EPAS1: variants seen among roughly 807,000 people sequenced by gnomAD.
EPAS1 encodes endothelial PAS domain protein 1.
A neutral mutation model predicts 87.9 loss-of-function variants in EPAS1; 23 were observed. That is an observed-to-expected ratio of 0.26 (90% CI 0.19 to 0.37). The LOEUF (loss-of-function observed/expected upper bound fraction) is 0.37. EPAS1 is among the 10% of genes least tolerant of loss of function. The probability of loss-of-function intolerance (pLI) is 1.00; values close to 1 mark genes in which losing one functional copy is unlikely to be tolerated. For synonymous variants in EPAS1, 508 were observed against 444.3 expected, an observed-to-expected ratio of 1.14 and a Z score of -1.80; for missense variants, 1,138 against 1,120.7, an observed-to-expected ratio of 1.02 and a Z score of -0.22.
rs1553397303 is a variant in EPAS1 at position 46,375,194 on chromosome 2, A to AAC, written c.887-495_887-494insCA. Among the ~76,000 whole-genome samples the AAC allele has an allele frequency of 1.3e-5, 2 of 151,584 alleles. No homozygotes were observed. Among genetic ancestry groups the AAC allele is most frequent in the East Asian group, 1.9e-4 (1 of 5,172 alleles). On this transcript the variant is annotated intron_variant, in intron 7 of 15. Coordinates refer to ENST00000263734, the MANE Select transcript of EPAS1 (RefSeq NM_001430.5). This position sits in a 1 kb window ranked among gnomAD's most constrained non-coding sequence, Gnocchi z 4.1. ...GGGTCTGCTGAAAAAAAAAAACAAA[A>AAC]AAAAACAAAAAAAACTGCCCTGAGG...
At chr2:46,370,916 G>T (rs767525162) in intron 7 of EPAS1, among the ~76,000 whole-genome samples, 15 of 152,110 alleles carry the variant, frequency 9.9e-5, no homozygotes, top group Non-Finnish European at 2.9e-5. Flanking sequence ...TGGTAGAATT[G>T]ATTCCTGCCC....
chr2:46,377,430 G>A (rs1389505558), intron 9 of EPAS1, among the ~76,000 whole-genome samples: 1 of 152,196 alleles, frequency 6.6e-6, no homozygotes, highest in Non-Finnish European at 1.5e-5. Context: ...GCTCACCCTG[G>A]ACTGTGTCAG....
intron 1 of EPAS1, among the ~76,000 whole-genome samples, chr2:46,327,729 G>A (rs1477983718): frequency 1.3e-5 from 2 of 152,140 alleles, no homozygotes; most frequent in Non-Finnish European, 2.9e-5. Flanking sequence ...GCACAGAGTA[G>A]GCACACACAA....
intron 1 of EPAS1, among the ~76,000 whole-genome samples, chr2:46,314,906 G>A (rs1683281974): frequency 6.6e-6 from 1 of 152,178 alleles, no homozygotes; most frequent in African/African-American, 2.4e-5. Context: ...CTGCCCAGTG[G>A]TTTCTACAAA....
intron 6 of EPAS1, among the ~76,000 whole-genome samples, chr2:46,369,541 G>A (rs1240865049): frequency 6.6e-6 from 1 of 152,214 alleles, no homozygotes; most frequent in Non-Finnish European, 1.5e-5. Flanking sequence ...ACAGACATAT[G>A]TGTGTACCGG....
At chr2:46,329,280 T>C (rs1193991305) in intron 1 of EPAS1, among the ~76,000 whole-genome samples, 5 of 152,148 alleles carry the variant, frequency 3.3e-5, no homozygotes, top group Non-Finnish European at 5.9e-5. Context: ...GGAGGCACCA[T>C]TGCTAGAATG....
chr2:46,309,920 A>T (rs907416404), intron 1 of EPAS1, among the ~76,000 whole-genome samples: 2 of 152,138 alleles, frequency 1.3e-5, no homozygotes, highest in Non-Finnish European at 2.9e-5. Context: ...TAGCCCTCCA[A>T]CCAGAAGCCT....
chr2:46,341,593 A>G (rs1210354016), intron 1 of EPAS1, among the ~76,000 whole-genome samples: 1 of 152,198 alleles, frequency 6.6e-6, no homozygotes, highest in Non-Finnish European at 1.5e-5. Flanking sequence ...TAGATAAATG[A>G]CTGTTTGGCT....
chr2:46,313,073 G>A (rs1432394045), intron 1 of EPAS1, among the ~76,000 whole-genome samples: 5 of 152,168 alleles, frequency 3.3e-5, no homozygotes, highest in Non-Finnish European at 1.5e-5. Context: ...GTCTTTAAGA[G>A]GTCAGACAGC....
chr2:46,301,660 C>T (rs1185201342), intron 1 of EPAS1, among the ~76,000 whole-genome samples: 2 of 151,192 alleles, frequency 1.3e-5, no homozygotes, highest in Non-Finnish European at 2.9e-5. Context: ...CAGGAGAGTA[C>T]CCCAGCCCTG....
At chr2:46,383,410 G>T (rs1377663888) in intron 15 of EPAS1, among the ~76,000 whole-genome samples, 1 of 152,248 alleles carries the variant, frequency 6.6e-6, no homozygotes, top group African/African-American at 2.4e-5. Flanking sequence ...TCTTCATGAG[G>T]TTTGTTTGGC....
chr2:46,361,356 C>T (rs1337212143), intron 6 of EPAS1, among the ~76,000 whole-genome samples: 1 of 152,144 alleles, frequency 6.6e-6, no homozygotes, highest in African/African-American at 2.4e-5. Context: ...GTGGTGTGAA[C>T]ATATTTCTCC....
chr2:46,382,585 C>T lies in EPAS1; in HGVS notation c.2448C>T (p.Ala816=). The T allele has an allele frequency of 2.5e-6, 4 of 1,614,110 alleles. No homozygotes were observed. The highest frequency in any genetic ancestry group is 3.4e-6 in the Non-Finnish European group (4 of 1,180,048). The part of the protein sequence containing the change: ...TQYQDYSLSS[A]HKVSGMASRL... Reference sequence around the variant, plus strand: ...ACCAGGACTACAGCCTGTCGTCAGCCCACAAGGTGTCAGGTGGGTGTGCCC... The same window carrying T: ...ACCAGGACTACAGCCTGTCGTCAGCTCACAAGGTGTCAGGTGGGTGTGCCC... The change falls in exon 15 of 16, where the codon GCC becomes GCT. Residue 816 remains alanine, a synonymous_variant. Coordinates refer to ENST00000263734, the MANE Select transcript of EPAS1 (RefSeq NM_001430.5).
At chr2:46,369,213 C>G (rs1194073032) in intron 6 of EPAS1, among the ~76,000 whole-genome samples, 1 of 152,176 alleles carries the variant, frequency 6.6e-6, no homozygotes, top group African/African-American at 2.4e-5. Flanking sequence ...TGTCCGAGGG[C>G]ACCTGAGGTC....
chr2:46,363,159 C>T (rs1228047085), intron 6 of EPAS1, among the ~76,000 whole-genome samples: 11 of 152,308 alleles, frequency 7.2e-5, no homozygotes, highest in Middle Eastern at 3.4e-3. Flanking sequence ...GCTTTGTGTA[C>T]CTCAGTAGTC....
chr2:46,367,194 C>A (rs1364998287), intron 6 of EPAS1, among the ~76,000 whole-genome samples: 1 of 152,194 alleles, frequency 6.6e-6, no homozygotes. Context: ...ATTAGATAAA[C>A]ATTTTATTAT....
intron 11 of EPAS1, among the ~76,000 whole-genome samples, chr2:46,379,327 G>A (rs564331265): frequency 1.3e-5 from 2 of 152,056 alleles, no homozygotes; most frequent in South Asian, 4.1e-4. Context: ...AAAACCCCAG[G>A]GAAAACCATT....
At chr2:46,350,880 CAA>C (rs1364665528) in intron 2 of EPAS1, among the ~76,000 whole-genome samples, 6 of 152,128 alleles carry the variant, frequency 3.9e-5, no homozygotes, top group African/African-American at 1.2e-4. Flanking sequence ...TCAGTTATAA[CAA>C]GAGATTATAT....
chr2:46,331,181 C>T (rs1035454160), intron 1 of EPAS1, among the ~76,000 whole-genome samples: 7 of 152,298 alleles, frequency 4.6e-5, no homozygotes, highest in East Asian at 1.9e-4. Context: ...TCCTCAAGCC[C>T]GGGCAGTCCT....
Sources: allele counts gnomAD v4.1 joint callset (sites outside exome capture counted in the v4.1 genomes callset), GRCh38; gene constraint gnomAD v4.1.1; non-coding constraint Gnocchi (gnomAD v3.1); transcripts MANE v1.5; gene names NCBI Gene and HGNC (gene_info 2026-07-23, HGNC 2026-07-21).